The following RPTOR variants were observed in gnomAD, a reference collection of about 807,000 sequenced individuals.
The protein encoded by RPTOR is regulatory associated protein of MTOR complex 1.
RPTOR carries 21 observed loss-of-function variants against 169.9 expected under a neutral mutation model. The observed-to-expected ratio is 0.12, with a 90% confidence interval of 0.09 to 0.18. The LOEUF (loss-of-function observed/expected upper bound fraction) is 0.18, where lower values mean the gene tolerates loss of function less well. Ranked by LOEUF, RPTOR falls within the 10% of genes least tolerant of loss-of-function variation. The probability of loss-of-function intolerance (pLI) is 1.00; values close to 1 mark genes in which losing one functional copy is unlikely to be tolerated. For synonymous variants in RPTOR, 732 were observed against 753.2 expected (o/e 0.97, Z 0.46); for missense variants, 1,133 against 1,855.9 (o/e 0.61, Z 7.16).
chr17:80,891,202 C>G (rs915719115), intron 17 of RPTOR, among the ~76,000 whole-genome samples: 1 of 152,234 alleles, frequency 6.6e-6, no homozygotes, highest in South Asian at 2.1e-4. Flanking sequence ...CAACTTTTCC[C>G]GTTCCCTCTT....
intron 3 of RPTOR, among the ~76,000 whole-genome samples, chr17:80,704,285 A>G (rs1050053383): frequency 6.6e-6 from 1 of 152,154 alleles, no homozygotes; most frequent in Non-Finnish European, 1.5e-5. Flanking sequence ...TGCCCCCAGA[A>G]CTGCGCTTTC....
intron 3 of RPTOR, among the ~76,000 whole-genome samples, chr17:80,665,851 A>T (rs750416361): frequency 1.1e-4 from 17 of 151,952 alleles, no homozygotes; most frequent in Non-Finnish European, 1.9e-4. Context: ...CCCCCCAAAA[A>T]TTTTTCTTTA....
At chr17:80,810,370 CA>C (rs2143573055) in intron 7 of RPTOR, among the ~76,000 whole-genome samples, 1 of 151,916 alleles carries the variant, frequency 6.6e-6, no homozygotes, top group Non-Finnish European at 1.5e-5. Context: ...ATATAGATAC[CA>C]AATTGTTCCA....
rs1337699792 is a variant in RPTOR, at chr17:80,803,756, A to G, written c.890+12247A>G. 6.6e-6 allele frequency: 1 copy of G among 152,236 alleles called. No homozygotes were observed. Among genetic ancestry groups the G allele is most frequent in the African/African-American group, 2.4e-5 (1 of 41,428 alleles). 9.4% of individuals were successfully genotyped at this position (152,236 alleles called of 1,614,324 possible). A position where few individuals can be genotyped will look rare whatever the true frequency, so the allele number is the denominator to read the frequency against. ...ACTTACATCCTGATCAGGGGAAGAA[A>G]CGCACATAAGAGGAGTGTGAATGTA... On this transcript the variant is annotated intron_variant, in intron 7 of 33. Coordinates refer to ENST00000306801, the MANE Select transcript of RPTOR (RefSeq NM_020761.3). The surrounding 1 kb of genome is among the most constrained non-coding windows in gnomAD (Gnocchi z 6.2).
At chr17:80,709,711 G>T (rs2066170979) in intron 4 of RPTOR, among the ~76,000 whole-genome samples, 1 of 151,936 alleles carries the variant, frequency 6.6e-6, no homozygotes, top group African/African-American at 2.4e-5. Flanking sequence ...GTTGTCACAG[G>T]TTTTTTTTAA....
intron 7 of RPTOR, among the ~76,000 whole-genome samples, chr17:80,818,140 G>A (rs375251927): frequency 3.3e-5 from 5 of 152,246 alleles, no homozygotes; most frequent in South Asian, 2.1e-4. Context: ...TATTTTAGTC[G>A]CCATTTTGCA....
At chr17:80,618,569 G>T (rs987926264) in intron 1 of RPTOR, among the ~76,000 whole-genome samples, 3 of 152,180 alleles carry the variant, frequency 2.0e-5, no homozygotes, top group Non-Finnish European at 4.4e-5. Flanking sequence ...CCCTGAGGCC[G>T]AAATTTTCCT....
In RPTOR at chr17:80,633,656, C is replaced by T. The variant is rs2065458784; in HGVS notation, c.265+7863C>T. ...CTGATTCAGCTGGCGCCTGCTGGAC[C>T]TCATGTGAAATTCCCCTTTGTAGTT... On this transcript the variant is annotated intron_variant, in intron 2 of 33. Coordinates refer to ENST00000306801, the MANE Select transcript of RPTOR (RefSeq NM_020761.3). The surrounding 1 kb of genome is among the most constrained non-coding windows in gnomAD (Gnocchi z 4.1). 1.3e-5 allele frequency among the ~76,000 whole-genome samples: 2 copies of T among 152,226 alleles called. No individual in the cohort carries two copies. Among genetic ancestry groups the T allele is most frequent in the African/African-American group, 4.8e-5 (2 of 41,460 alleles).
rs796564046 is a variant in RPTOR, at chr17:80,707,281, G to A, written c.349-560G>A. Among the ~76,000 whole-genome samples, 16 of 152,302 alleles carry A rather than the reference G, an allele frequency of 1.1e-4. No homozygotes were observed. The highest frequency in any genetic ancestry group is 2.4e-4 in the African/African-American group (10 of 41,560). ...CACTTGGTACCCCAGTGGCAGCTGC[G>A]TTTGCCTTGGTGTTGCCATGTGACA... On this transcript the variant is annotated intron_variant, in intron 3 of 33. Transcript: ENST00000306801. The surrounding 1 kb of genome is among the most constrained non-coding windows in gnomAD (Gnocchi z 5.0).
At chr17:80,692,657 C>A (rs114768804) in intron 3 of RPTOR, among the ~76,000 whole-genome samples, 2,143 of 151,706 alleles carry the variant, frequency 0.014, 53 homozygotes, top group African/African-American at 0.049. Context: ...GTGATGAAGT[C>A]TTCCTATGTT....
chr17:80,775,691 T>C (rs1010734763), intron 6 of RPTOR, among the ~76,000 whole-genome samples: 2 of 152,212 alleles, frequency 1.3e-5, no homozygotes, highest in African/African-American at 4.8e-5. Context: ...TAGCCATCAT[T>C]GTAAGAACCC....
At chr17:80,964,220 C>G in intron 33 of RPTOR, 42 bp from the exon 34 acceptor site, 1 of 1,458,392 alleles carries the variant, frequency 6.9e-7, no homozygotes, top group Non-Finnish European at 9.5e-7. Context: ...GCAGTGTCTG[C>G]CCGCACCTGA....
chr17:80,816,850 C>G (rs1013886239), intron 7 of RPTOR, among the ~76,000 whole-genome samples: 4 of 152,182 alleles, frequency 2.6e-5, no homozygotes, highest in Non-Finnish European at 4.4e-5. Flanking sequence ...GCATAAGGCC[C>G]CAGCGGCCAC....
chr17:80,700,372 AGTG>A (rs1443922175), intron 3 of RPTOR, among the ~76,000 whole-genome samples: 1 of 84,928 alleles, frequency 1.2e-5, no homozygotes, highest in Non-Finnish European at 2.2e-5. Flanking sequence ...GAAATAGATA[AGTG>A]GTGGTGGTGA....
intron 9 of RPTOR, among the ~76,000 whole-genome samples, chr17:80,830,235 T>A (rs968440569): frequency 3.9e-5 from 6 of 152,128 alleles, no homozygotes; most frequent in Admixed American, 6.5e-5. Flanking sequence ...GGCCTCAGTT[T>A]CCAGAGAACA....
chr17:80,652,088 T>C (rs62069684), intron 3 of RPTOR, among the ~76,000 whole-genome samples: 8,256 of 151,642 alleles, frequency 0.054, 278 homozygotes, highest in Non-Finnish European at 0.082. Flanking sequence ...GAGAATCGCT[T>C]GAACCTGGGA....
chr17:80,705,825 G>A (rs1292281540), intron 3 of RPTOR, among the ~76,000 whole-genome samples: 2 of 152,084 alleles, frequency 1.3e-5, no homozygotes, highest in Admixed American at 6.5e-5. Context: ...GTGAGCCCCC[G>A]TGTCCGGCAG....
chr17:80,570,095 G>C lies in RPTOR; in HGVS notation c.162+24304G>C, dbSNP rs142543089. On this transcript the variant is annotated intron_variant, in intron 1 of 33. Coordinates refer to ENST00000306801, the MANE Select transcript of RPTOR (RefSeq NM_020761.3). ...TCATTCTGGCTGCTGTGGCCATCAT[G>C]AACTCAGACCTCTCTCTCCTCAGCT... Among the ~76,000 whole-genome samples the C allele has an allele frequency of 3.7e-3, 558 of 152,136 alleles. 4 individuals carry two copies. Among genetic ancestry groups the C allele is most frequent in the Non-Finnish European group, 6.1e-3 (415 of 68,022 alleles).
intron 3 of RPTOR, among the ~76,000 whole-genome samples, chr17:80,657,125 A>C (rs1465826503): frequency 6.6e-6 from 1 of 152,248 alleles, no homozygotes; most frequent in Non-Finnish European, 1.5e-5. Context: ...AGCTGATAGA[A>C]ATTCTTTACT....
Sources: gnomAD v4.1 joint callset for allele counts (sites outside exome capture counted in the v4.1 genomes callset) on GRCh38, gnomAD v4.1.1 for gene constraint, Gnocchi (gnomAD v3.1) non-coding constraint, MANE v1.5 for transcripts, NCBI Gene and HGNC (gene_info 2026-07-23, HGNC 2026-07-21) for gene names.